Variants in CADM1 observed in about 807,000 individuals in gnomAD.
CADM1 encodes the protein cell adhesion molecule 1.
Under a neutral mutation model 53.1 loss-of-function variants are expected in CADM1, and 15 were observed. The ratio of observed to expected loss-of-function variants is 0.28; its 90% CI spans 0.19 to 0.44. The LOEUF (loss-of-function observed/expected upper bound fraction) is 0.44. Ranked by LOEUF, CADM1 falls within the 20% of genes least tolerant of loss-of-function variation. The probability of loss-of-function intolerance (pLI) is 1.00; values close to 1 mark genes in which losing one functional copy is unlikely to be tolerated. For synonymous variants in CADM1, 281 were observed against 243.0 expected, an observed-to-expected ratio of 1.16 and a Z score of -1.45; for missense variants, 434 against 611.3, an observed-to-expected ratio of 0.71 and a Z score of 3.06.
At position 115,494,137 on chromosome 11, in the gene CADM1, G is replaced by C. The variant is rs573974123; in HGVS notation, c.124+10134C>G. Among the ~76,000 whole-genome samples the C allele has an allele frequency of 2.0e-5, 3 of 151,902 alleles. No homozygotes were observed. The South Asian group carries it at 6.2e-4, about 32-fold the overall frequency. On this transcript the variant is annotated intron_variant, in intron 1 of 11. Coordinates refer to ENST00000331581, the MANE Select transcript of CADM1 (RefSeq NM_001301043.2). ...TGAGTATGTGTGTATACATTATTGA[G>C]AGAGAGAGAGAAAGCAAATGGGGAA... is the stretch of plus-strand genomic sequence containing the variant.
At chr11:115,211,807 C>T (rs1456000312) in intron 7 of CADM1, among the ~76,000 whole-genome samples, 4 of 151,938 alleles carry the variant, frequency 2.6e-5, no homozygotes, top group Non-Finnish European at 4.4e-5. Context: ...TATTTCTGCA[C>T]CTATTCTAAA....
intron 1 of CADM1, among the ~76,000 whole-genome samples, chr11:115,335,555 G>A (rs1346757979): frequency 2.6e-5 from 4 of 152,110 alleles, no homozygotes; most frequent in African/African-American, 9.7e-5. Context: ...ACAAGTGGTG[G>A]CTTCTTCATG....
intron 2 of CADM1, among the ~76,000 whole-genome samples, chr11:115,239,798 T>C (rs753922845): frequency 5.9e-5 from 9 of 151,860 alleles, no homozygotes; most frequent in African/African-American, 9.7e-5. Context: ...TACAAGTCCA[T>C]TGCAATTTTG....
At chr11:115,463,191 G>A (rs1948831514) in intron 1 of CADM1, among the ~76,000 whole-genome samples, 1 of 152,064 alleles carries the variant, frequency 6.6e-6, no homozygotes, top group African/African-American at 2.4e-5. Context: ...TGATCCTATG[G>A]ACCCCACTCT....
At chr11:115,198,383 A>T (rs1455404429) in intron 9 of CADM1, 23 bp downstream of exon 9, 1 of 1,583,620 alleles carries the variant, frequency 6.3e-7, no homozygotes, top group Admixed American at 1.7e-5. Context: ...GAGAAAGTAG[A>T]TAAACAGTAA....
intron 1 of CADM1, among the ~76,000 whole-genome samples, chr11:115,383,911 T>C (rs988301922): frequency 2.0e-5 from 3 of 152,046 alleles, no homozygotes; most frequent in Non-Finnish European, 2.9e-5. Flanking sequence ...AAGAAACAGG[T>C]TGGAAGCTCA....
rs534704814 is a variant in CADM1 at position 115,296,233 on chromosome 11, G to A, written c.125-55813C>T. On this transcript the variant is annotated intron_variant, in intron 1 of 11. Transcript: ENST00000331581. ...CCCAAAATGCTGGGATTATAGGCAT[G>A]AACGACTGTGCCTGGCCCATAAAGA... 8.5e-5 allele frequency among the ~76,000 whole-genome samples: 13 copies of A among 152,304 alleles called. No homozygotes were observed. In the South Asian group the frequency reaches 2.7e-3, roughly 32 times the overall value.
chr11:115,221,342 C>T (rs1941397779), intron 5 of CADM1, among the ~76,000 whole-genome samples: 1 of 152,172 alleles, frequency 6.6e-6, no homozygotes, highest in Non-Finnish European at 1.5e-5. Context: ...CTGTAAAAGA[C>T]ATTTAGCAAG....
chr11:115,285,111 T>C (rs1943696423), intron 1 of CADM1, among the ~76,000 whole-genome samples: 1 of 152,202 alleles, frequency 6.6e-6, no homozygotes, highest in Admixed American at 6.5e-5. Flanking sequence ...TGTTGATCAG[T>C]CAATGCCAAG....
At chr11:115,462,670 G>C (rs780188276) in intron 1 of CADM1, among the ~76,000 whole-genome samples, 1 of 152,184 alleles carries the variant, frequency 6.6e-6, no homozygotes, top group Admixed American at 6.5e-5. Flanking sequence ...ACATGATTAT[G>C]TTGAAAAGTA....
chr11:115,477,069 A>T (rs1949149968), intron 1 of CADM1, among the ~76,000 whole-genome samples: 1 of 152,136 alleles, frequency 6.6e-6, no homozygotes, highest in African/African-American at 2.4e-5. Flanking sequence ...GTCGGGCAGG[A>T]TAGGGCAGGA....
chr11:115,205,884 C>T (rs1276156680), intron 8 of CADM1, among the ~76,000 whole-genome samples: 3 of 152,164 alleles, frequency 2.0e-5, no homozygotes, highest in Admixed American at 6.5e-5. Flanking sequence ...AAAGCCACAA[C>T]AAGTTGATAC....
chr11:115,175,152 C>T lies in CADM1; in HGVS notation c.*1322G>A. The T allele has an allele frequency of 1.0e-6, 1 of 985,852 alleles. No individual in the cohort carries two copies. Among genetic ancestry groups the T allele is most frequent in the Non-Finnish European group, 1.2e-6 (1 of 829,920 alleles). The allele number at this position is 985,852 out of a possible 1,614,324, so 61.1% of individuals were successfully genotyped here. A position where few individuals can be genotyped will look rare whatever the true frequency, so the allele number is the denominator to read the frequency against. ...TTAAGTAACTGAAAATCCGTACATG[C>T]TGTTTTTCCACCTCTGCTCTGACCT... On this transcript the variant is annotated 3_prime_UTR_variant, in exon 12 of 12. Coordinates refer to ENST00000331581, the MANE Select transcript of CADM1 (RefSeq NM_001301043.2).
chr11:115,414,512 AAAT>A (rs966630851), intron 1 of CADM1, among the ~76,000 whole-genome samples: 2 of 152,290 alleles, frequency 1.3e-5, no homozygotes, highest in African/African-American at 4.8e-5. Context: ...TCTTAAAAAA[AAAT>A]AATAAATAAT....
chr11:115,365,980 T>C (rs550115801), intron 1 of CADM1, among the ~76,000 whole-genome samples: 2 of 152,338 alleles, frequency 1.3e-5, no homozygotes, highest in South Asian at 4.1e-4. Flanking sequence ...GAACACAGAA[T>C]AGGTTTTATG....
intron 3 of CADM1, 147 bp downstream of exon 3, chr11:115,238,353 G>C (rs1410932865): frequency 1.1e-6 from 1 of 874,614 alleles, no homozygotes; most frequent in Non-Finnish European, 1.9e-6. Flanking sequence ...TGGTAAAATA[G>C]GCTATTTTTA....
chr11:115,317,980 C>T, intron 1 of CADM1, among the ~76,000 whole-genome samples: 1 of 79,570 alleles, frequency 1.3e-5, no homozygotes, highest in African/African-American at 5.3e-5. Context: ...TCCTATTACA[C>T]ACTACACACA....
rs1938960134 is a variant in CADM1 at position 115,175,026 on chromosome 11, G to A, written c.*1448C>T. ...ATGCACTATGGCTGCCATCATGCGAGGATCAGTAATTTTTGGCAGATGGTT... is the reference window on the plus strand; with the variant it reads ...ATGCACTATGGCTGCCATCATGCGAAGATCAGTAATTTTTGGCAGATGGTT... On this transcript the variant is annotated 3_prime_UTR_variant, in exon 12 of 12. Transcript: ENST00000331581. 16 of 985,726 alleles carry A rather than the reference G, an allele frequency of 1.6e-5. No homozygotes were observed. The highest frequency in any genetic ancestry group is 1.8e-5 in the Non-Finnish European group (15 of 829,938). The allele number at this position is 985,726 out of a possible 1,614,324, so 61.1% of individuals were successfully genotyped here.
intron 1 of CADM1, among the ~76,000 whole-genome samples, chr11:115,497,281 C>T (rs1949638808): frequency 6.6e-6 from 1 of 152,152 alleles, no homozygotes. Context: ...AATGTTAGGT[C>T]AAATGCCTGT....
Sources: gnomAD v4.1 joint callset for allele counts (sites outside exome capture counted in the v4.1 genomes callset) on GRCh38, gnomAD v4.1.1 for gene constraint, MANE v1.5 for transcripts, NCBI Gene and HGNC (gene_info 2026-07-23, HGNC 2026-07-21) for gene names.